Variants in UPB1 observed in about 807,000 individuals in gnomAD.
UPB1 encodes beta-ureidopropionase 1, also known as beta-ureidopropionase.
UPB1 carries 40 observed loss-of-function variants against 49.1 expected under a neutral mutation model. That is an observed-to-expected ratio of 0.81 (90% confidence interval 0.63 to 1.06). The LOEUF is 1.06. Ranked by LOEUF, UPB1 falls within the 50% of genes least tolerant of loss-of-function variation. The pLI is 0.00. For synonymous variants in UPB1, 207 were observed against 198.2 expected (o/e 1.04, Z -0.38); for missense variants, 499 against 505.9 (o/e 0.99, Z 0.13).
Position 24,515,367 on chromosome 22 carries a change from T to C in UPB1, c.788T>C (p.Leu263Pro). 6.2e-7 allele frequency: 1 copy of C among 1,614,030 alleles called. No individual in the cohort carries two copies. Among genetic ancestry groups the C allele is most frequent in the Non-Finnish European group, 8.5e-7 (1 of 1,179,958 alleles). Residue 263 changes from leucine to proline, a missense_variant, in exon 6 of 10, where the codon CTC becomes CCC. Transcript: ENST00000326010. ...AACCCCTCGGCCACGATAGGAGCACTCAGGTCACTCAGTTGGTGGGGTCTG... is the reference window on the plus strand; with the variant it reads ...AACCCCTCGGCCACGATAGGAGCACCCAGGTCACTCAGTTGGTGGGGTCTG... Reference protein sequence around the residue: ...IFNPSATIGALSESLWPIEAR... With the variant: ...IFNPSATIGAPSESLWPIEAR...
At chr22:24,518,865 G>T (rs1404374301) in intron 6 of UPB1, among the ~76,000 whole-genome samples, 1 of 152,014 alleles carries the variant, frequency 6.6e-6, no homozygotes, top group Admixed American at 6.6e-5. Flanking sequence ...TATTTTTAGG[G>T]GTGTGTGTGC....
intron 1 of UPB1, among the ~76,000 whole-genome samples, chr22:24,495,993 CGCTGG>C (rs1362607874): frequency 2.0e-5 from 3 of 152,146 alleles, no homozygotes; most frequent in Admixed American, 1.3e-4. Flanking sequence ...AAGCCATGGG[CGCTGG>C]TTTTTCCACT....
chr22:24,508,038 C>T (rs1247450538), intron 3 of UPB1, among the ~76,000 whole-genome samples: 1 of 152,148 alleles, frequency 6.6e-6, no homozygotes, highest in Non-Finnish European at 1.5e-5. Context: ...TATGGGGGAG[C>T]TGTTTTCTTC....
intron 7 of UPB1, among the ~76,000 whole-genome samples, chr22:24,520,762 A>G (rs1380206991): frequency 2.6e-5 from 4 of 152,178 alleles, no homozygotes; most frequent in Non-Finnish European, 4.4e-5. Context: ...GCCAAACAGA[A>G]TGCACTTATT....
chr22:24,509,730 G>A (rs1326166413), intron 3 of UPB1, among the ~76,000 whole-genome samples: 2 of 123,442 alleles, frequency 1.6e-5, no homozygotes, highest in Admixed American at 1.7e-4. Flanking sequence ...TTGTGTGTGT[G>A]GCATATAGAT....
At chr22:24,502,311 T>A in intron 3 of UPB1, 98 bp downstream of exon 3, 1 of 1,285,734 alleles carries the variant, frequency 7.8e-7, no homozygotes, top group Non-Finnish European at 1.1e-6. Flanking sequence ...TTAAAGAATC[T>A]CCTTTGTTTC....
chr22:24,499,314 G>C (rs1292707176), intron 1 of UPB1, among the ~76,000 whole-genome samples: 2 of 152,112 alleles, frequency 1.3e-5, no homozygotes, highest in Non-Finnish European at 2.9e-5. Context: ...TAATCATCTT[G>C]CGCTTAGATG....
chr22:24,500,365 ACTCCGGGT>A, intron 2 of UPB1, 87 bp downstream of exon 2: 8 of 1,580,824 alleles, frequency 5.1e-6, no homozygotes, highest in Non-Finnish European at 6.9e-6. Flanking sequence ...CTGGCCGCAT[ACTCCGGGT>A]CTGCAGGCTT....
In UPB1 at chr22:24,524,435, G is replaced by A. The variant is rs112290219; in HGVS notation, c.1071+662G>A. 4.9e-4 allele frequency among the ~76,000 whole-genome samples: 75 copies of A among 152,320 alleles called. 1 individual carries two copies. The highest frequency in any genetic ancestry group is 1.7e-3 in the African/African-American group (71 of 41,578). Reference sequence around the variant, plus strand: ...AAGGCTCACAGCTTCAGAGTTTGCTGTATTAGTGTCCGAAAGTATTTCCAC... The same window carrying A: ...AAGGCTCACAGCTTCAGAGTTTGCTATATTAGTGTCCGAAAGTATTTCCAC... On this transcript the variant is annotated intron_variant, in intron 9 of 9. Coordinates refer to ENST00000326010, the MANE Select transcript of UPB1 (RefSeq NM_016327.3).
chr22:24,521,138 C>T (rs558258092), intron 7 of UPB1, among the ~76,000 whole-genome samples: 155 of 146,626 alleles, frequency 1.1e-3, no homozygotes, highest in African/African-American at 3.6e-3. Context: ...GCCAGGATCG[C>T]GCCACTGCAC....
intron 7 of UPB1, among the ~76,000 whole-genome samples, chr22:24,521,252 C>T (rs1490243909): frequency 6.6e-6 from 1 of 150,488 alleles, no homozygotes; most frequent in East Asian, 2.0e-4. Context: ...GAGACCGAGT[C>T]GGGTAGATCA....
intron 1 of UPB1, among the ~76,000 whole-genome samples, chr22:24,497,229 A>G (rs1350987293): frequency 6.6e-6 from 1 of 152,218 alleles, no homozygotes; most frequent in Non-Finnish European, 1.5e-5. Flanking sequence ...GCATACACGT[A>G]GGAAAATAGG....
chr22:24,523,584 C>A (rs561120608), intron 8 of UPB1, 35 bp from the exon 9 acceptor site: 1 of 1,613,788 alleles, frequency 6.2e-7, no homozygotes, highest in African/African-American at 1.3e-5. Context: ...TGCATCTACA[C>A]AAGCTCACAG....
intron 3 of UPB1, among the ~76,000 whole-genome samples, chr22:24,504,391 A>G (rs116812922): frequency 0.029 from 4,403 of 152,282 alleles, 112 homozygotes; most frequent in African/African-American, 0.064. Flanking sequence ...ATTGTCTTCT[A>G]GTTTTTTGGG....
chr22:24,519,890 C>T (rs1000648509), intron 6 of UPB1: 2 of 249,016 alleles, frequency 8.0e-6, no homozygotes, highest in African/African-American at 4.5e-5. Context: ...CCCCGGCTCC[C>T]TTCTGGCATT....
chr22:24,515,178 G>C (rs1184312374), intron 5 of UPB1, 23 bp from the exon 6 acceptor site: 2 of 1,614,010 alleles, frequency 1.2e-6, no homozygotes, highest in East Asian at 4.5e-5. Flanking sequence ...AGAGGCATCA[G>C]TATATGGCCC....
Position 24,495,464 on chromosome 22 carries a change from G to C in UPB1, c.61G>C (p.Asp21His). 1.2e-6 allele frequency: 2 copies of C among 1,614,058 alleles called. No homozygotes were observed. Among genetic ancestry groups the C allele is most frequent in the African/African-American group, 2.7e-5 (2 of 75,066 alleles). ...ECLEKHLPLPDLQEVKRVLYG... is the reference protein window; with the variant it reads ...ECLEKHLPLPHLQEVKRVLYG... Reference sequence around the variant, plus strand: ...CTTGGAGAAGCACCTGCCGCTCCCCGACTTGCAGGAAGTGAAGCGCGTTCT... The same window carrying C: ...CTTGGAGAAGCACCTGCCGCTCCCCCACTTGCAGGAAGTGAAGCGCGTTCT... The change falls in exon 1 of 10, where the codon GAC becomes CAC. Residue 21 changes from aspartate to histidine, a missense_variant. By Grantham distance (81) the Asp-to-His change is moderately conservative (BLOSUM62 -1). Coordinates refer to ENST00000326010, the MANE Select transcript of UPB1 (RefSeq NM_016327.3).
At chr22:24,509,969 A>C (rs2044168137) in intron 3 of UPB1, among the ~76,000 whole-genome samples, 1 of 152,166 alleles carries the variant, frequency 6.6e-6, no homozygotes. Context: ...GTGGTGACTC[A>C]CACCTGTAAT....
In UPB1 at chr22:24,527,067, T is replaced by C. The variant is rs1307965830; in HGVS notation, c.*1273T>C. On this transcript the variant is annotated 3_prime_UTR_variant, in exon 10 of 10. Transcript: ENST00000326010. ...GGTTTTTACATCTGTAAAATGGGAC[T>C]GGGCCAGGTGTGGTGGGGTGGCTTA... 6.6e-6 allele frequency: 1 copy of C among 152,228 alleles called. No homozygotes were observed. Among genetic ancestry groups the C allele is most frequent in the Non-Finnish European group, 1.5e-5 (1 of 68,046 alleles). The allele number at this position is 152,228 out of a possible 1,614,324, so 9.4% of individuals were successfully genotyped here. A position where few individuals can be genotyped will look rare whatever the true frequency, so the allele number is the denominator to read the frequency against.
Sources: gnomAD v4.1 joint callset for allele counts (sites outside exome capture counted in the v4.1 genomes callset) on GRCh38, gnomAD v4.1.1 for gene constraint, MANE v1.5 for transcripts, NCBI Gene and HGNC (gene_info 2026-07-23, HGNC 2026-07-21) for gene names.